Variants in NGF observed in about 807,000 individuals in gnomAD.
The protein encoded by NGF is nerve growth factor, also known as beta-nerve growth factor.
NGF carries 4 observed loss-of-function variants against 12.8 expected under a neutral mutation model. The observed-to-expected ratio is 0.31, with a 90% CI of 0.15 to 0.72. NGF has a LOEUF of 0.72. Among genes scored for constraint, NGF ranks in the 30% least tolerant of loss-of-function variants. The pLI is 0.69. For missense variants in NGF, 283 were observed against 330.8 expected (o/e 0.86, Z 1.12); for synonymous variants, 140 against 130.0 (o/e 1.08, Z -0.52).
At chr1:115,333,997 G>T (rs10776800) in intron 1 of NGF, among the ~76,000 whole-genome samples, 100,291 of 151,744 alleles carry the variant, frequency 0.66, 35,648 homozygotes, top group African/African-American at 0.91. Flanking sequence ...TTTAACCCTA[G>T]GTACTATAAA....
chr1:115,334,023 A>AT (rs993780373), intron 1 of NGF, among the ~76,000 whole-genome samples: 2 of 151,998 alleles, frequency 1.3e-5, no homozygotes, highest in African/African-American at 4.8e-5. Flanking sequence ...AAATAGTTCT[A>AT]TTTTCTGTCC....
intron 1 of NGF, among the ~76,000 whole-genome samples, chr1:115,328,097 A>C (rs1654822480): frequency 6.6e-6 from 1 of 152,152 alleles, no homozygotes; most frequent in Admixed American, 6.5e-5. Context: ...ATTTGAGAGG[A>C]GATGTCACTA....
intron 1 of NGF, among the ~76,000 whole-genome samples, chr1:115,322,069 G>T (rs1439421487): frequency 6.6e-6 from 1 of 152,054 alleles, no homozygotes; most frequent in Non-Finnish European, 1.5e-5. Context: ...ATATCCTCAC[G>T]GCATTTTATA....
In NGF at chr1:115,286,815, GAAAA is replaced by G. The variant is rs1025626722; in HGVS notation, c.-12-12_-12-9del. The G allele has an allele frequency of 1.2e-6, 2 of 1,613,890 alleles. No individual in the cohort carries two copies. Among genetic ancestry groups the G allele is most frequent in the Non-Finnish European group, 1.7e-6 (2 of 1,180,026 alleles). On this transcript the variant is annotated splice_polypyrimidine_tract_variant and intron_variant, in intron 2 of 2. Transcript: ENST00000369512. ...GGACATTACGCTATGCACCTGGAAT[GAAAA>G]AGAAATGAGGGTGACTTCATGGAGT...
intron 1 of NGF, among the ~76,000 whole-genome samples, chr1:115,310,099 A>G (rs1468317891): frequency 6.6e-6 from 1 of 152,256 alleles, no homozygotes; most frequent in Admixed American, 6.5e-5. Flanking sequence ...AACTGTGAAG[A>G]CAGTAAGAAT....
intron 2 of NGF, among the ~76,000 whole-genome samples, chr1:115,288,653 C>A (rs1653592392): frequency 6.6e-6 from 1 of 152,186 alleles, no homozygotes; most frequent in South Asian, 2.1e-4. Flanking sequence ...AACCCTATCA[C>A]CTCTCCTAGG....
In NGF at chr1:115,333,652, T is replaced by C. The variant is rs1401796490; in HGVS notation, c.-137+4552A>G. 4.7e-5 allele frequency among the ~76,000 whole-genome samples: 7 copies of C among 148,348 alleles called. No individual in the cohort carries two copies. In the Admixed American group the frequency reaches 4.7e-4, roughly 10 times the overall value. The stretch of plus-strand genomic sequence containing the variant: ...AGGGAGCTCCTTAAGACTTTCTTTC[T>C]TTCTCTTTCTTTCTTTCTTTCTTTC... On this transcript the variant is annotated intron_variant, in intron 1 of 2. Transcript: ENST00000369512.
chr1:115,302,939 C>A (rs1012500329), intron 1 of NGF, among the ~76,000 whole-genome samples: 1 of 152,240 alleles, frequency 6.6e-6, no homozygotes, highest in African/African-American at 2.4e-5. Context: ...GTCCCCTCAT[C>A]TGTGTCCACC....
chr1:115,326,062 G>A (rs952807379), intron 1 of NGF, among the ~76,000 whole-genome samples: 7 of 152,094 alleles, frequency 4.6e-5, no homozygotes, highest in African/African-American at 1.7e-4. Context: ...GTCGTAGATC[G>A]TAGCTCATGC....
intron 1 of NGF, among the ~76,000 whole-genome samples, chr1:115,315,453 G>T (rs1654450981): frequency 6.6e-6 from 1 of 152,142 alleles, no homozygotes; most frequent in South Asian, 2.1e-4. Context: ...TGATGTGCAG[G>T]AGTGAGGGAA....
At chr1:115,337,785 G>C (rs1655176716) in intron 1 of NGF, among the ~76,000 whole-genome samples, 1 of 151,946 alleles carries the variant, frequency 6.6e-6, no homozygotes, top group Non-Finnish European at 1.5e-5. Flanking sequence ...CCGCGGTGCT[G>C]GCCGCCACTC....
chr1:115,300,407 G>A (rs933201410), intron 1 of NGF, among the ~76,000 whole-genome samples: 1 of 152,180 alleles, frequency 6.6e-6, no homozygotes, highest in African/African-American at 2.4e-5. Flanking sequence ...TCATTAAAGT[G>A]TCCATTAGAT....
At chr1:115,314,819 G>A (rs999494109) in intron 1 of NGF, among the ~76,000 whole-genome samples, 9 of 152,134 alleles carry the variant, frequency 5.9e-5, no homozygotes, top group African/African-American at 1.9e-4. Context: ...TCGTGGAGGT[G>A]GACAGAAGAC....
At chr1:115,307,908 G>C (rs1198611135) in intron 1 of NGF, among the ~76,000 whole-genome samples, 1 of 152,206 alleles carries the variant, frequency 6.6e-6, no homozygotes, top group Non-Finnish European at 1.5e-5. Flanking sequence ...AAATGAGATT[G>C]TATGACCTCA....
chr1:115,319,104 C>A (rs555063032), intron 1 of NGF, among the ~76,000 whole-genome samples: 2 of 152,220 alleles, frequency 1.3e-5, no homozygotes, highest in African/African-American at 4.8e-5. Context: ...TAAGTGGTTG[C>A]GTTCCACAGT....
intron 1 of NGF, among the ~76,000 whole-genome samples, chr1:115,334,969 G>A (rs923070704): frequency 6.6e-6 from 1 of 152,186 alleles, no homozygotes; most frequent in Non-Finnish European, 1.5e-5. Flanking sequence ...ACTGTAACAG[G>A]AAGTTTACCC....
intron 1 of NGF, among the ~76,000 whole-genome samples, chr1:115,297,334 C>T (rs1653902927): frequency 6.6e-6 from 1 of 152,138 alleles, no homozygotes; most frequent in African/African-American, 2.4e-5. Context: ...CAACCCAGAG[C>T]CAGTCCACTG....
At chr1:115,334,208 C>T (rs1655044604) in intron 1 of NGF, among the ~76,000 whole-genome samples, 1 of 151,918 alleles carries the variant, frequency 6.6e-6, no homozygotes, top group African/African-American at 2.4e-5. Flanking sequence ...TGTATTAATT[C>T]GATGTCAATG....
At chr1:115,319,535 A>C (rs1447349038) in intron 1 of NGF, among the ~76,000 whole-genome samples, 1 of 152,176 alleles carries the variant, frequency 6.6e-6, no homozygotes, top group Non-Finnish European at 1.5e-5. Flanking sequence ...ACTTAGTAGA[A>C]CTCAAAACTC....
Sources: gnomAD v4.1 joint callset for allele counts (sites outside exome capture counted in the v4.1 genomes callset) on GRCh38, gnomAD v4.1.1 for gene constraint, MANE v1.5 for transcripts, NCBI Gene and HGNC (gene_info 2026-07-23, HGNC 2026-07-21) for gene names.